ZNF483: variants seen among roughly 807,000 people sequenced by gnomAD.
ZNF483 encodes the protein zinc finger protein HIT-10.
A neutral mutation model predicts 28.6 loss-of-function variants in ZNF483; 9 were observed. The observed-to-expected ratio is 0.32, with a 90% CI of 0.19 to 0.55. The LOEUF is 0.55. Among genes scored for constraint, ZNF483 ranks in the 20% least tolerant of loss-of-function variants. The probability of loss-of-function intolerance (pLI) is 0.93; values close to 1 mark genes in which losing one functional copy is unlikely to be tolerated. For synonymous variants in ZNF483, 322 were observed against 306.2 expected (o/e 1.05, Z -0.54); for missense variants, 675 against 871.7 (o/e 0.77, Z 2.84).
chr9:111,563,400 A>T (rs1828400029), intron 5 of ZNF483: 1 of 587,748 alleles, frequency 1.7e-6, no homozygotes, highest in African/African-American at 1.9e-5. Flanking sequence ...AGATCCACTT[A>T]CACAGTACAT....
Position 111,544,162 on chromosome 9 carries a change from T to C in ZNF483, c.*992T>C. On this transcript the variant is annotated 3_prime_UTR_variant, in exon 6 of 6. Coordinates refer to ENST00000309235, the MANE Select transcript of ZNF483 (RefSeq NM_133464.5). ...CGTGAGAGTAACAGTCCTAGGAAAATAGATGGGGGCTGGGGGTAAGGAAAT... is the reference window on the plus strand; with the variant it reads ...CGTGAGAGTAACAGTCCTAGGAAAACAGATGGGGGCTGGGGGTAAGGAAAT... The C allele has an allele frequency of 1.2e-5, 12 of 985,270 alleles. No homozygotes were observed. The highest frequency in any genetic ancestry group is 1.4e-5 in the Non-Finnish European group (12 of 829,966). 61.0% of individuals were successfully genotyped at this position (985,270 alleles called of 1,614,324 possible). A position where few individuals can be genotyped will look rare whatever the true frequency, so the allele number is the denominator to read the frequency against.
chr9:111,573,155 G>A (rs1828902377), intron 5 of ZNF483, among the ~76,000 whole-genome samples: 1 of 152,186 alleles, frequency 6.6e-6, no homozygotes, highest in South Asian at 2.1e-4. Context: ...TCGAGTTACT[G>A]TATCCAAAAT....
At chr9:111,561,183 G>GAGAA (rs1564608270) in intron 5 of ZNF483, among the ~76,000 whole-genome samples, 5 of 130,680 alleles carry the variant, frequency 3.8e-5, no homozygotes, top group African/African-American at 1.5e-4. Flanking sequence ...GAGAGAAAGA[G>GAGAA]AGAGAGATTC....
Position 111,546,911 on chromosome 9 carries a change from T to A in ZNF483, c.*3741T>A, listed in dbSNP as rs1371651996. On this transcript the variant is annotated 3_prime_UTR_variant, in exon 6 of 6. Coordinates refer to ENST00000309235, the MANE Select transcript of ZNF483 (RefSeq NM_133464.5). The stretch of plus-strand genomic sequence containing the variant: ...TCTGTACAAATTTGACTGTTCTAAT[T>A]ACTTGGTATGAATGGAATCATACAA... Among the ~76,000 whole-genome samples the A allele has an allele frequency of 6.6e-6, 1 of 152,190 alleles. No homozygotes were observed. Among genetic ancestry groups the A allele is most frequent in the African/African-American group, 2.4e-5 (1 of 41,454 alleles).
At chr9:111,556,743 C>G (rs1202370862), downstream of ZNF483, among the ~76,000 whole-genome samples, 1 of 152,188 alleles carries the variant, frequency 6.6e-6, no homozygotes, top group Non-Finnish European at 1.5e-5. Flanking sequence ...AAGTGTGTAG[C>G]ATTTCCCCCT....
downstream of ZNF483, among the ~76,000 whole-genome samples, chr9:111,556,832 GC>G (rs112010927): frequency 3.9e-5 from 6 of 152,240 alleles, 1 homozygote; most frequent in African/African-American, 1.4e-4. Context: ...GTTTCCTGAG[GC>G]CCCCCAGCCA....
chr9:111,569,549 G>T (rs537205715), intron 5 of ZNF483, among the ~76,000 whole-genome samples: 1 of 152,108 alleles, frequency 6.6e-6, no homozygotes, highest in African/African-American at 2.4e-5. Context: ...AGACTGAGGC[G>T]GGCGCATCAC....
intron 5 of ZNF483, among the ~76,000 whole-genome samples, chr9:111,535,721 A>C (rs1827476529): frequency 6.6e-6 from 1 of 151,072 alleles, no homozygotes; most frequent in Non-Finnish European, 1.5e-5. Flanking sequence ...TTTTTTTTGT[A>C]TTTTTAGTAG....
intron 5 of ZNF483, among the ~76,000 whole-genome samples, chr9:111,539,929 A>T (rs1431141766): frequency 6.6e-6 from 1 of 152,148 alleles, no homozygotes. Flanking sequence ...CAGGAGTTAG[A>T]GACCAGCCTG....
chr9:111,534,256 A>T lies in ZNF483; in HGVS notation c.629-5A>T. On this transcript the variant is annotated splice_polypyrimidine_tract_variant and splice_region_variant and intron_variant, in intron 4 of 5. Coordinates refer to ENST00000309235, the MANE Select transcript of ZNF483 (RefSeq NM_133464.5). ...GCAATTTTCTGTTCTTTTCTCTATG[A>T]GCAGACTTTCCAGTTTCAAAATTAG... The T allele has an allele frequency of 1.9e-6, 3 of 1,613,460 alleles. No homozygotes were observed. Among genetic ancestry groups the T allele is most frequent in the Non-Finnish European group, 2.5e-6 (3 of 1,179,418 alleles).
In ZNF483 at chr9:111,527,306, A is replaced by G. The variant is rs2132210422; in HGVS notation, c.-90A>G. ...GTAAACTGGATTCCTGGAACCTTTGATATTCCTGGCTGTGTATAGTGCCTG... is the reference window on the plus strand; with the variant it reads ...GTAAACTGGATTCCTGGAACCTTTGGTATTCCTGGCTGTGTATAGTGCCTG... On this transcript the variant is annotated 5_prime_UTR_variant, in exon 2 of 6. The change abolishes the stop of an existing upstream ORF in the 5' untranslated region. Coordinates refer to ENST00000309235, the MANE Select transcript of ZNF483 (RefSeq NM_133464.5). The G allele has an allele frequency of 7.3e-7, 1 of 1,377,526 alleles. No individual in the cohort carries two copies. The highest frequency in any genetic ancestry group is 1.5e-5 in the South Asian group (1 of 67,858). 85.3% of individuals were successfully genotyped at this position (1,377,526 alleles called of 1,614,324 possible).
In ZNF483 at chr9:111,541,877, T is replaced by G. The variant is rs768193923; in HGVS notation, c.942T>G (p.Thr314=). 2 of 1,613,686 alleles carry G rather than the reference T, an allele frequency of 1.2e-6. No homozygotes were observed. Among genetic ancestry groups the G allele is most frequent in the African/African-American group, 2.7e-5 (2 of 74,828 alleles). The change falls in exon 6 of 6, where the codon ACT becomes ACG. Residue 314 remains threonine (T), a synonymous_variant. Transcript: ENST00000309235. The part of the protein sequence containing the change: ...KSPFGHNFKE[T]SDLIKHLRVY... ...CCTTTGGACATAATTTCAAAGAAACTTCAGACTTAATTAAACATCTGAGAG... is the reference window on the plus strand; with the variant it reads ...CCTTTGGACATAATTTCAAAGAAACGTCAGACTTAATTAAACATCTGAGAG...
At chr9:111,533,903 T>G in intron 4 of ZNF483, 38 bp downstream of exon 4, 1 of 1,575,058 alleles carries the variant, frequency 6.3e-7, no homozygotes, top group Non-Finnish European at 8.5e-7. Flanking sequence ...GCGTTTAACC[T>G]TGGGTCTCTT....
chr9:111,565,497 A>T lies in ZNF483; in HGVS notation c.722-10868A>T, dbSNP rs143239301. 1.0e-3 allele frequency among the ~76,000 whole-genome samples: 158 copies of T among 152,238 alleles called. 1 individual carries two copies. Among genetic ancestry groups the T allele is most frequent in the African/African-American group, 3.6e-3 (149 of 41,538 alleles). On this transcript the variant is annotated intron_variant, in intron 5 of 5. Coordinates refer to the ZNF483 transcript ENST00000358151. ...TGGGAGCTCTCTGTACTATCTTCCC[A>T]ATTTTCCTATAAATCTAAAACTTCT...
intron 5 of ZNF483, among the ~76,000 whole-genome samples, chr9:111,535,342 A>G (rs1827466188): frequency 6.6e-6 from 1 of 152,252 alleles, no homozygotes; most frequent in African/African-American, 2.4e-5. Context: ...GTGGGAATAT[A>G]CAGGAGCAAG....
chr9:111,574,708 T>G, intron 5 of ZNF483: 1 of 1,536,738 alleles, frequency 6.5e-7, no homozygotes, highest in Non-Finnish European at 9.0e-7. Context: ...TTGTGACATA[T>G]GGGATCGTGT....
chr9:111,543,682 G>GT lies in ZNF483; in HGVS notation c.*514dup, dbSNP rs1827729508. 2.0e-6 allele frequency: 2 copies of GT among 978,020 alleles called. No homozygotes were observed. The highest frequency in any genetic ancestry group is 2.4e-6 in the Non-Finnish European group (2 of 824,304). The allele number at this position is 978,020 out of a possible 1,614,324, so 60.6% of individuals were successfully genotyped here. A position where few individuals can be genotyped will look rare whatever the true frequency, so the allele number is the denominator to read the frequency against. On this transcript the variant is annotated 3_prime_UTR_variant, in exon 6 of 6. Coordinates refer to ENST00000309235, the MANE Select transcript of ZNF483 (RefSeq NM_133464.5). ...ATAATCTCTGAAGCTGTGGACATAA[G>GT]TTATTTTTTTTTATTTGTCATTACT...
At chr9:111,574,148 G>A (rs1273319653) in intron 5 of ZNF483, 12 of 152,176 alleles carry the variant, frequency 7.9e-5, no homozygotes, top group Non-Finnish European at 1.6e-4. Context: ...TTACCAGCCA[G>A]ACCAAGGTGT....
chr9:111,559,588 A>G (rs1274400857), downstream of ZNF483, among the ~76,000 whole-genome samples: 1 of 132,868 alleles, frequency 7.5e-6, no homozygotes, highest in Non-Finnish European at 1.6e-5. Flanking sequence ...CAGTGTCCAC[A>G]CACACACACT....
Sources: allele counts gnomAD v4.1 joint callset (sites outside exome capture counted in the v4.1 genomes callset), GRCh38; gene constraint gnomAD v4.1.1; transcripts MANE v1.5; gene names NCBI Gene and HGNC (gene_info 2026-07-23, HGNC 2026-07-21).